The following HIRA variants were observed in gnomAD, a reference collection of about 807,000 sequenced individuals.
HIRA encodes protein HIRA.
A neutral mutation model predicts 126.6 loss-of-function variants in HIRA; 13 were observed. That is an observed-to-expected ratio of 0.10 (90% CI 0.07 to 0.16). HIRA has a LOEUF of 0.16. Among genes scored for constraint, HIRA ranks in the 10% least tolerant of loss-of-function variants. The pLI is 1.00. For synonymous variants in HIRA, 511 were observed against 520.0 expected (o/e 0.98, Z 0.24); for missense variants, 834 against 1,314.4 (o/e 0.63, Z 5.65).
intron 24 of HIRA, among the ~76,000 whole-genome samples, chr22:19,333,687 C>T (rs1556005157): frequency 6.6e-6 from 1 of 152,192 alleles, no homozygotes; most frequent in South Asian, 2.1e-4. Flanking sequence ...TCCTTTCTCT[C>T]TCTTACACTT....
chr22:19,330,897 T>C lies in HIRA; in HGVS notation c.*543A>G, dbSNP rs2088476683. ...GTTTAAATTTCCTACAAGTGACCAATGTCCAAGTGACTTATAGGGAAATCC... is the reference window on the plus strand; with the variant it reads ...GTTTAAATTTCCTACAAGTGACCAACGTCCAAGTGACTTATAGGGAAATCC... On this transcript the variant is annotated 3_prime_UTR_variant, in exon 25 of 25. Coordinates refer to ENST00000263208, the MANE Select transcript of HIRA (RefSeq NM_003325.4). 5.1e-6 allele frequency: 1 copy of C among 195,408 alleles called. No homozygotes were observed. Among genetic ancestry groups the C allele is most frequent in the Non-Finnish European group, 1.1e-5 (1 of 92,136 alleles). 12.1% of individuals were successfully genotyped at this position (195,408 alleles called of 1,614,324 possible).
intron 1 of HIRA, among the ~76,000 whole-genome samples, chr22:19,422,834 C>T (rs1254983073): frequency 6.6e-6 from 1 of 152,184 alleles, no homozygotes; most frequent in African/African-American, 2.4e-5. Flanking sequence ...CCAGGTCAGA[C>T]CTGCCCTCAG....
chr22:19,331,615 G>C, intron 24 of HIRA, 59 bp from the exon 25 acceptor site: 1 of 1,478,388 alleles, frequency 6.8e-7, no homozygotes, highest in Non-Finnish European at 9.2e-7. Flanking sequence ...AGATTGTGGG[G>C]ACTTTCCTGG....
In HIRA at chr22:19,357,556, C is replaced by T. The variant is rs150860241; in HGVS notation, c.2235-505G>A. On this transcript the variant is annotated intron_variant, in intron 18 of 24. Transcript: ENST00000263208. ...GTGTGTCGCTCCCAAACAAGGAGTGCGTTACAGAACAGTCTGGACACTGTC... is the reference window on the plus strand; with the variant it reads ...GTGTGTCGCTCCCAAACAAGGAGTGTGTTACAGAACAGTCTGGACACTGTC... Among the ~76,000 whole-genome samples the T allele has an allele frequency of 7.8e-3, 1,192 of 152,312 alleles. 14 individuals are homozygous for T. The highest frequency in any genetic ancestry group is 0.025 in the African/African-American group (1,030 of 41,554).
intron 5 of HIRA, among the ~76,000 whole-genome samples, chr22:19,402,272 A>G (rs2089275140): frequency 6.6e-6 from 1 of 152,260 alleles, no homozygotes; most frequent in African/African-American, 2.4e-5. Flanking sequence ...GTAAATATTA[A>G]TTTGGGAAAA....
At chr22:19,372,571 ATTT>A (rs200950966) in intron 15 of HIRA, among the ~76,000 whole-genome samples, 5 of 136,052 alleles carry the variant, frequency 3.7e-5, no homozygotes, top group Non-Finnish European at 3.2e-5. Flanking sequence ...AAAGCTTTTA[ATTT>A]TTTTTTTTTT....
chr22:19,396,125 C>T (rs1012276655), intron 7 of HIRA, among the ~76,000 whole-genome samples: 1 of 152,166 alleles, frequency 6.6e-6, no homozygotes, highest in African/African-American at 2.4e-5. Context: ...TCAGAGTAAA[C>T]TCCGCACTAT....
intron 24 of HIRA, among the ~76,000 whole-genome samples, chr22:19,333,512 ATTTTCT>A (rs2088519696): frequency 6.6e-6 from 1 of 152,152 alleles, no homozygotes; most frequent in Non-Finnish European, 1.5e-5. Flanking sequence ...CAAGGATGAG[ATTTTCT>A]TTGTCTTTCC....
chr22:19,342,012 A>G (rs1201561441), intron 24 of HIRA, among the ~76,000 whole-genome samples: 1 of 152,210 alleles, frequency 6.6e-6, no homozygotes, highest in East Asian at 1.9e-4. Context: ...GAGTAAACAG[A>G]CAACCCACAG....
intron 12 of HIRA, among the ~76,000 whole-genome samples, chr22:19,384,648 TTTTC>T (rs1369887708): frequency 5.3e-5 from 8 of 151,294 alleles, no homozygotes; most frequent in South Asian, 2.1e-4. Flanking sequence ...AAGCTAGGGA[TTTTC>T]TTTCTTTCTT....
At chr22:19,361,628 G>T in intron 16 of HIRA, 99 bp downstream of exon 16, 1 of 1,219,486 alleles carries the variant, frequency 8.2e-7, no homozygotes, top group Non-Finnish European at 1.2e-6. Flanking sequence ...GGTTCCCAAG[G>T]TGACCCACCC....
intron 1 of HIRA, among the ~76,000 whole-genome samples, chr22:19,418,759 C>A (rs927234974): frequency 6.6e-6 from 1 of 152,064 alleles, no homozygotes; most frequent in Non-Finnish European, 1.5e-5. Flanking sequence ...CAAATAAGTA[C>A]AAACAAAACT....
chr22:19,341,752 A>T (rs58954782), intron 24 of HIRA, among the ~76,000 whole-genome samples: 2 of 152,208 alleles, frequency 1.3e-5, no homozygotes, highest in African/African-American at 2.4e-5. Context: ...AGCCACATAT[A>T]GAAGAATGAA....
intron 24 of HIRA, among the ~76,000 whole-genome samples, chr22:19,335,587 A>G (rs1484267010): frequency 1.3e-5 from 2 of 152,200 alleles, no homozygotes; most frequent in Admixed American, 6.5e-5. Flanking sequence ...CACTTTTGAC[A>G]TTTAATTCTT....
intron 10 of HIRA, among the ~76,000 whole-genome samples, chr22:19,388,178 C>T (rs988518813): frequency 6.6e-6 from 1 of 152,202 alleles, no homozygotes; most frequent in South Asian, 2.1e-4. Flanking sequence ...GTGCTTCTGA[C>T]TTTGGTTCAT....
At chr22:19,356,392 C>T in intron 19 of HIRA, 104 bp from the exon 20 acceptor site, 1 of 915,658 alleles carries the variant, frequency 1.1e-6, no homozygotes, top group Admixed American at 1.8e-5. Context: ...CGACCCTAAC[C>T]CTGGCCTCTC....
chr22:19,356,841 C>T, intron 19 of HIRA, 49 bp downstream of exon 19: 1 of 1,589,982 alleles, frequency 6.3e-7, no homozygotes, highest in Non-Finnish European at 8.6e-7. Flanking sequence ...CCTACACAGC[C>T]CTGTCCTGCC....
intron 13 of HIRA, among the ~76,000 whole-genome samples, chr22:19,382,614 T>A (rs2089084361): frequency 6.6e-6 from 1 of 152,146 alleles, no homozygotes; most frequent in Admixed American, 6.5e-5. Flanking sequence ...AGCTCGTGGA[T>A]GGACAACTGC....
At chr22:19,354,148 A>G in intron 21 of HIRA, 30 bp from the exon 22 acceptor site, 1 of 1,604,092 alleles carries the variant, frequency 6.2e-7, no homozygotes, top group Non-Finnish European at 8.5e-7. Flanking sequence ...AGCAGAGCTC[A>G]GGAAAACCAA....
Sources: allele counts gnomAD v4.1 joint callset (sites outside exome capture counted in the v4.1 genomes callset), GRCh38; gene constraint gnomAD v4.1.1; transcripts MANE v1.5; gene names NCBI Gene and HGNC (gene_info 2026-07-23, HGNC 2026-07-21).